The following SMYD3 variants were observed in gnomAD, a reference collection of about 807,000 sequenced individuals.
The protein encoded by SMYD3 is histone-lysine N-methyltransferase SMYD3.
SMYD3 carries 36 observed loss-of-function variants against 57.7 expected under a neutral mutation model. The ratio of observed to expected loss-of-function variants is 0.62; its 90% confidence interval spans 0.48 to 0.82. The LOEUF (loss-of-function observed/expected upper bound fraction) is 0.82, where lower values mean the gene tolerates loss of function less well. Ranked by LOEUF, SMYD3 falls within the 40% of genes least tolerant of loss-of-function variation. The probability of loss-of-function intolerance (pLI) is 0.00; values close to 1 mark genes in which losing one functional copy is unlikely to be tolerated. For synonymous variants in SMYD3, 211 were observed against 195.0 expected (o/e 1.08, Z -0.68); for missense variants, 515 against 538.8 (o/e 0.96, Z 0.44).
intron 10 of SMYD3, among the ~76,000 whole-genome samples, chr1:245,840,440 C>T (rs1278451431): frequency 1.3e-5 from 2 of 151,806 alleles, no homozygotes; most frequent in Non-Finnish European, 2.9e-5. Context: ...AATTCTCCAC[C>T]AAGAACAAGA....
At chr1:245,874,517 A>G (rs2052385926) in intron 8 of SMYD3, among the ~76,000 whole-genome samples, 1 of 152,172 alleles carries the variant, frequency 6.6e-6, no homozygotes, top group East Asian at 1.9e-4. Flanking sequence ...CCTCTCTCTT[A>G]ACATCAGTTA....
chr1:245,870,969 C>T (rs751137295), intron 8 of SMYD3, among the ~76,000 whole-genome samples: 38 of 152,202 alleles, frequency 2.5e-4, no homozygotes, highest in Non-Finnish European at 4.9e-4. Context: ...AGAAGAGGAA[C>T]AGGAGAAAGG....
intron 1 of SMYD3, among the ~76,000 whole-genome samples, chr1:246,391,317 C>T (rs900677288): frequency 3.3e-5 from 5 of 150,496 alleles, no homozygotes; most frequent in Non-Finnish European, 7.4e-5. Context: ...GAGATAAAGG[C>T]TACGGTGAGC....
At chr1:246,068,122 A>G (rs1218152973) in intron 5 of SMYD3, among the ~76,000 whole-genome samples, 1 of 152,116 alleles carries the variant, frequency 6.6e-6, no homozygotes, top group African/African-American at 2.4e-5. Context: ...TAATTAAGTG[A>G]TTTTCATCTG....
chr1:246,302,666 C>T lies in SMYD3; in HGVS notation c.531+24535G>A, dbSNP rs1242638268. 3.3e-5 allele frequency among the ~76,000 whole-genome samples: 5 copies of T among 152,122 alleles called. No homozygotes were observed. In the South Asian group the frequency reaches 8.3e-4, roughly 25 times the overall value. The stretch of plus-strand genomic sequence containing the variant: ...AGCAAATTGGACAGTTCATGCTTCA[C>T]GAAGGGGTGGCTGCTACCCAGCTCA... On this transcript the variant is annotated intron_variant, in intron 5 of 11. Transcript: ENST00000490107.
intron 8 of SMYD3, among the ~76,000 whole-genome samples, chr1:245,912,644 G>A (rs1171387957): frequency 6.6e-6 from 1 of 152,044 alleles, no homozygotes; most frequent in Non-Finnish European, 1.5e-5. Context: ...CATGGAATTG[G>A]TATAAAAACA....
At chr1:245,804,630 T>C (rs1459220386) in intron 10 of SMYD3, among the ~76,000 whole-genome samples, 1 of 152,210 alleles carries the variant, frequency 6.6e-6, no homozygotes, top group Non-Finnish European at 1.5e-5. Context: ...TGGGAACTGA[T>C]TAAGCCATGA....
intron 5 of SMYD3, among the ~76,000 whole-genome samples, chr1:246,160,399 A>G (rs1209126379): frequency 1.3e-5 from 2 of 152,202 alleles, no homozygotes; most frequent in Non-Finnish European, 2.9e-5. Flanking sequence ...TTAGTGGGAA[A>G]GCAGATCTCT....
chr1:245,818,690 A>AT (rs1157520610), intron 10 of SMYD3, among the ~76,000 whole-genome samples: 1 of 151,930 alleles, frequency 6.6e-6, no homozygotes, highest in Non-Finnish European at 1.5e-5. Context: ...AAATAAAAGG[A>AT]TGGAGGAAGA....
At chr1:245,776,779 T>C (rs1182374417) in intron 10 of SMYD3, among the ~76,000 whole-genome samples, 1 of 152,196 alleles carries the variant, frequency 6.6e-6, no homozygotes, top group African/African-American at 2.4e-5. Flanking sequence ...TAGCACTGCT[T>C]AGATGCAGAA....
At chr1:245,842,017 T>G (rs1263714414) in intron 10 of SMYD3, among the ~76,000 whole-genome samples, 1 of 152,234 alleles carries the variant, frequency 6.6e-6, no homozygotes, top group African/African-American at 2.4e-5. Flanking sequence ...GTGTTACAAC[T>G]GGCTACAGCA....
intron 1 of SMYD3, among the ~76,000 whole-genome samples, chr1:246,503,605 A>G (rs996951368): frequency 5.3e-5 from 8 of 152,182 alleles, no homozygotes; most frequent in Non-Finnish European, 8.8e-5. Flanking sequence ...CTCATACCCA[A>G]TTGTCAACCA....
chr1:246,181,944 T>A (rs1193614855), intron 5 of SMYD3, among the ~76,000 whole-genome samples: 1 of 152,232 alleles, frequency 6.6e-6, no homozygotes, highest in Non-Finnish European at 1.5e-5. Flanking sequence ...CACGTAGAGA[T>A]AATTACCTTT....
intron 10 of SMYD3, among the ~76,000 whole-genome samples, chr1:245,827,190 A>G (rs1187133178): frequency 6.6e-6 from 1 of 152,186 alleles, no homozygotes; most frequent in East Asian, 1.9e-4. Flanking sequence ...GTTCAAGGCC[A>G]CACTGCTTCC....
At chr1:246,288,280 G>A (rs943519545) in intron 5 of SMYD3, among the ~76,000 whole-genome samples, 1 of 151,850 alleles carries the variant, frequency 6.6e-6, no homozygotes, top group East Asian at 1.9e-4. Flanking sequence ...CACCATGTTG[G>A]TCAGGCTGGT....
intron 5 of SMYD3, among the ~76,000 whole-genome samples, chr1:246,050,924 G>GA (rs1361399669): frequency 2.0e-5 from 3 of 151,976 alleles, no homozygotes; most frequent in African/African-American, 7.3e-5. Flanking sequence ...TAAACTGATT[G>GA]AAAAAATTAT....
intron 5 of SMYD3, among the ~76,000 whole-genome samples, chr1:246,096,592 C>T (rs1211061058): frequency 6.6e-6 from 1 of 152,180 alleles, no homozygotes; most frequent in Non-Finnish European, 1.5e-5. Context: ...TATGGGAATG[C>T]TTTTTAGATG....
chr1:246,041,717 T>C (rs1031597765), intron 5 of SMYD3, among the ~76,000 whole-genome samples: 2 of 152,072 alleles, frequency 1.3e-5, no homozygotes, highest in Non-Finnish European at 2.9e-5. Context: ...AATCATGACT[T>C]CTGGTTCTGG....
chr1:246,088,001 G>A lies in SMYD3; in HGVS notation c.532-158064C>T, dbSNP rs567622651. 4.6e-5 allele frequency among the ~76,000 whole-genome samples: 7 copies of A among 151,780 alleles called. No individual in the cohort carries two copies. The East Asian group carries it at 1.4e-3, about 29-fold the overall frequency. On this transcript the variant is annotated intron_variant, in intron 5 of 11. Coordinates refer to ENST00000490107, the MANE Select transcript of SMYD3 (RefSeq NM_001167740.2). Reference sequence around the variant, plus strand: ...AAAAAACATACATCTCACTAATAAGGAAAAAAAAGAGCAATCACTTGTTTA... The same window carrying A: ...AAAAAACATACATCTCACTAATAAGAAAAAAAAAGAGCAATCACTTGTTTA...
Sources: gnomAD v4.1 joint callset for allele counts (sites outside exome capture counted in the v4.1 genomes callset) on GRCh38, gnomAD v4.1.1 for gene constraint, MANE v1.5 for transcripts, NCBI Gene and HGNC (gene_info 2026-07-23, HGNC 2026-07-21) for gene names.